Variants in SREK1IP1 observed in about 807,000 individuals in gnomAD.
The protein encoded by SREK1IP1 is protein SREK1IP1.
SREK1IP1 carries 12 observed loss-of-function variants against 22.8 expected under a neutral mutation model. That is an observed-to-expected ratio of 0.53 (90% CI 0.34 to 0.85). SREK1IP1 has a LOEUF of 0.85. Among genes scored for constraint, SREK1IP1 ranks in the 40% least tolerant of loss-of-function variants. The probability of loss-of-function intolerance (pLI) is 0.02; values close to 1 mark genes in which losing one functional copy is unlikely to be tolerated. For missense variants in SREK1IP1, 147 were observed against 171.8 expected (o/e 0.86, Z 0.81); for synonymous variants, 53 against 52.7 (o/e 1.01, Z -0.02).
intron 4 of SREK1IP1, chr5:64,727,530 C>CATATATATATATAT (rs370322604): frequency 8.5e-6 from 1 of 117,478 alleles, no homozygotes; most frequent in African/African-American, 4.0e-5. Context: ...CATATAATTA[C>CATATATATATATAT]ATATATATAT....
At chr5:64,758,383 CTTTT>C in intron 1 of SREK1IP1, among the ~76,000 whole-genome samples, 1 of 152,156 alleles carries the variant, frequency 6.6e-6, no homozygotes, top group South Asian at 2.1e-4. Context: ...TGGTTCCTAT[CTTTT>C]TTTAATATGT....
chr5:64,761,267 C>G (rs1742948602), intron 1 of SREK1IP1, among the ~76,000 whole-genome samples: 1 of 152,092 alleles, frequency 6.6e-6, no homozygotes, highest in South Asian at 2.1e-4. Context: ...AATTTTGAAT[C>G]CAACTCAGTG....
Position 64,721,928 on chromosome 5 carries a change from C to T in SREK1IP1, c.*2456G>A, listed in dbSNP as rs148756097. The T allele has an allele frequency of 5.9e-5, 9 of 152,086 alleles. No individual in the cohort carries two copies. In the East Asian group the frequency reaches 9.6e-4, roughly 16 times the overall value. The allele number at this position is 152,086 out of a possible 1,614,324, so 9.4% of individuals were successfully genotyped here. Reference sequence around the variant, plus strand: ...TACAATATTTTATAGACGAAAGACACCAAGGCCCAGGGAAACTAAGTGACT... The same window carrying T: ...TACAATATTTTATAGACGAAAGACATCAAGGCCCAGGGAAACTAAGTGACT... On this transcript the variant is annotated 3_prime_UTR_variant, in exon 5 of 5. Transcript: ENST00000513458.
At chr5:64,742,143 TTAACA>T (rs149346489) in intron 2 of SREK1IP1, among the ~76,000 whole-genome samples, 374 of 152,310 alleles carry the variant, frequency 2.5e-3, no homozygotes, top group African/African-American at 7.7e-3. Flanking sequence ...TTTATCTATG[TTAACA>T]TAACAGGTGT....
intron 3 of SREK1IP1, among the ~76,000 whole-genome samples, chr5:64,732,190 A>C (rs1259261676): frequency 6.6e-6 from 1 of 152,178 alleles, no homozygotes; most frequent in Non-Finnish European, 1.5e-5. Flanking sequence ...AAACAATGCA[A>C]GTGATGAAAT....
At chr5:64,756,623 T>C (rs1009604414) in intron 1 of SREK1IP1, among the ~76,000 whole-genome samples, 2 of 152,170 alleles carry the variant, frequency 1.3e-5, no homozygotes, top group African/African-American at 4.8e-5. Context: ...TTTCTTCTTT[T>C]TTCCTTTTCC....
rs998398659 is a variant in SREK1IP1 at position 64,720,145 on chromosome 5, T to G, written c.*4239A>C. On this transcript the variant is annotated 3_prime_UTR_variant, in exon 5 of 5. Transcript: ENST00000513458. ...ACACTGAAAAATATTCTAAATGGTT[T>G]ATTCGGACCTAACAAATATTAAAAT... 2.6e-5 allele frequency: 4 copies of G among 152,246 alleles called. No homozygotes were observed. The highest frequency in any genetic ancestry group is 5.9e-5 in the Non-Finnish European group (4 of 68,048). The allele number at this position is 152,246 out of a possible 1,614,324, so 9.4% of individuals were successfully genotyped here.
intron 1 of SREK1IP1, among the ~76,000 whole-genome samples, chr5:64,757,554 T>G (rs2112111408): frequency 6.6e-6 from 1 of 152,372 alleles, no homozygotes; most frequent in Middle Eastern, 3.4e-3. Flanking sequence ...TGCATCCAGC[T>G]GATCTGAACC....
At chr5:64,752,285 G>A (rs1742759806) in intron 2 of SREK1IP1, among the ~76,000 whole-genome samples, 1 of 151,528 alleles carries the variant, frequency 6.6e-6, no homozygotes, top group South Asian at 2.1e-4. Flanking sequence ...CCAAGTAGCT[G>A]GGACTACAGG....
chr5:64,736,175 T>C (rs374670760), intron 3 of SREK1IP1, among the ~76,000 whole-genome samples: 1 of 152,134 alleles, frequency 6.6e-6, no homozygotes, highest in Non-Finnish European at 1.5e-5. Context: ...CTTTCTGCTA[T>C]GGCCCAGAAT....
At chr5:64,757,489 A>G (rs779994579) in intron 1 of SREK1IP1, among the ~76,000 whole-genome samples, 1 of 152,342 alleles carries the variant, frequency 6.6e-6, no homozygotes, top group East Asian at 1.9e-4. Flanking sequence ...TTGGGGAAAA[A>G]TTTGAGCATA....
chr5:64,748,880 A>T (rs1487606613), intron 2 of SREK1IP1, among the ~76,000 whole-genome samples: 1 of 152,098 alleles, frequency 6.6e-6, no homozygotes, highest in Non-Finnish European at 1.5e-5. Flanking sequence ...ATAAAACTGG[A>T]GATCATGAAA....
intron 3 of SREK1IP1, among the ~76,000 whole-genome samples, chr5:64,734,183 T>TA (rs1406710848): frequency 3.3e-5 from 5 of 152,208 alleles, no homozygotes; most frequent in African/African-American, 1.2e-4. Flanking sequence ...ATTCTCAAAA[T>TA]AAAAATTTCG....
In SREK1IP1 at chr5:64,719,939, C is replaced by G. The variant is rs1742128208; in HGVS notation, c.*4445G>C. On this transcript the variant is annotated 3_prime_UTR_variant, in exon 5 of 5. Coordinates refer to ENST00000513458, the MANE Select transcript of SREK1IP1 (RefSeq NM_173829.4). ...GTTTTGGTCTCAGCACTAGGATCAG[C>G]TGGAGTCCTTGAAGCACTCCCTGCT... 1 of 152,212 alleles carries G rather than the reference C, an allele frequency of 6.6e-6. No individual in the cohort carries two copies. The highest frequency in any genetic ancestry group is 1.5e-5 in the Non-Finnish European group (1 of 68,042). 9.4% of individuals were successfully genotyped at this position (152,212 alleles called of 1,614,324 possible).
At chr5:64,754,994 T>A (rs1580555321) in intron 1 of SREK1IP1, among the ~76,000 whole-genome samples, 1 of 151,348 alleles carries the variant, frequency 6.6e-6, no homozygotes, top group East Asian at 1.9e-4. Flanking sequence ...GAAATGCAAA[T>A]CAAAACCACA....
chr5:64,738,904 C>T (rs1742510360), intron 3 of SREK1IP1, among the ~76,000 whole-genome samples: 1 of 152,138 alleles, frequency 6.6e-6, no homozygotes, highest in African/African-American at 2.4e-5. Flanking sequence ...ATTATTCTGA[C>T]TTGGATATAA....
At chr5:64,758,437 T>C (rs1189005652) in intron 1 of SREK1IP1, among the ~76,000 whole-genome samples, 1 of 152,230 alleles carries the variant, frequency 6.6e-6, no homozygotes, top group Non-Finnish European at 1.5e-5. Flanking sequence ...TCCCATTGTT[T>C]CCCTGTAAAC....
chr5:64,763,664 C>T (rs1742989679), intron 1 of SREK1IP1, among the ~76,000 whole-genome samples: 1 of 152,210 alleles, frequency 6.6e-6, no homozygotes, highest in Non-Finnish European at 1.5e-5. Context: ...AGTACTATTT[C>T]TGCTCAGCAG....
chr5:64,743,231 A>G (rs1011651250), intron 2 of SREK1IP1, among the ~76,000 whole-genome samples: 5 of 151,052 alleles, frequency 3.3e-5, no homozygotes, highest in African/African-American at 1.2e-4. Flanking sequence ...CAATGTTTAG[A>G]TATGTTTAGA....
Sources: gnomAD v4.1 joint callset for allele counts (sites outside exome capture counted in the v4.1 genomes callset) on GRCh38, gnomAD v4.1.1 for gene constraint, MANE v1.5 for transcripts, NCBI Gene and HGNC (gene_info 2026-07-23, HGNC 2026-07-21) for gene names.